Variants in ARSH observed in about 807,000 individuals in gnomAD.
ARSH encodes the protein arylsulfatase family member H.
Under a neutral mutation model 28.7 loss-of-function variants are expected in ARSH, and 32 were observed. That is an observed-to-expected ratio of 1.11 (90% CI 0.84 to 1.50). The LOEUF (loss-of-function observed/expected upper bound fraction) is 1.50. Among genes scored for constraint, ARSH ranks in the 40% most tolerant of loss-of-function variants. The pLI, the probability that ARSH is intolerant of heterozygous loss-of-function variation, is 0.00. For synonymous variants in ARSH, 176 were observed against 177.3 expected, an observed-to-expected ratio of 0.99 and a Z score of 0.06; for missense variants, 440 against 452.4, an observed-to-expected ratio of 0.97 and a Z score of 0.25.
At chrX:3,015,831 GA>G (rs1011298483) in intron 4 of ARSH, among the ~76,000 whole-genome samples, 8 of 106,357 alleles carry the variant, frequency 7.5e-5, no homozygotes, top group Non-Finnish European at 1.6e-4. Flanking sequence ...AAAAGCTGAG[GA>G]AAAAAAAACT....
chrX:3,006,608 C>G lies in ARSH; in HGVS notation c.-5C>G, dbSNP rs768490278. ...TGTTTGTTTTGCGGTGTTGATGGCA[C>G]ATTTATGACAAGAAACGCCAGACCC... On this transcript the variant is annotated 5_prime_UTR_variant, in exon 1 of 9. Transcript: ENST00000381130. 2 of 1,206,942 alleles carry G rather than the reference C, an allele frequency of 1.7e-6. No individual in the cohort carries two copies. The highest frequency in any genetic ancestry group is 3.5e-5 in the African/African-American group (2 of 56,982).
intron 5 of ARSH, among the ~76,000 whole-genome samples, chrX:3,019,487 T>A (rs1013477231): frequency 7.2e-5 from 8 of 111,161 alleles, no homozygotes; most frequent in African/African-American, 2.3e-4. Flanking sequence ...ACTGTATGCA[T>A]TCCAGAATAA....
intron 8 of ARSH, among the ~76,000 whole-genome samples, chrX:3,030,622 T>C (rs1382505378): frequency 9.0e-6 from 1 of 111,314 alleles, no homozygotes; most frequent in Non-Finnish European, 1.9e-5. Flanking sequence ...AAAAGGGAAA[T>C]GCCTTATAAA....
chrX:3,026,035 C>G (rs933776237), intron 6 of ARSH, among the ~76,000 whole-genome samples: 37 of 110,897 alleles, frequency 3.3e-4, no homozygotes, highest in South Asian at 3.9e-4. Context: ...GGGTTTTGTT[C>G]TAGTCTAGTT....
intron 1 of ARSH, among the ~76,000 whole-genome samples, chrX:3,007,096 A>AAATCTACTG (rs761318437): frequency 3.7e-5 from 4 of 109,359 alleles, no homozygotes; most frequent in African/African-American, 1.3e-4. Context: ...ATAAAAAAAA[A>AAATCTACTG]AATCTACTGG....
chrX:3,032,661 T>C (rs1193227738), intron 8 of ARSH, among the ~76,000 whole-genome samples: 1 of 112,267 alleles, frequency 8.9e-6, no homozygotes, highest in African/African-American at 3.2e-5. Flanking sequence ...AAATTACTTT[T>C]GTCAATTTCA....
At chrX:3,008,449 TTTTCTTTC>T (rs554017732) in intron 1 of ARSH, among the ~76,000 whole-genome samples, 17,213 of 75,623 alleles carry the variant, frequency 0.23, 1,909 homozygotes, top group African/African-American at 0.24. Context: ...CTTCTTCTTA[TTTTCTTTC>T]TTTCTTTCTT....
In ARSH at chrX:3,029,243, CAA is replaced by C; in HGVS notation, c.1200-3_1200-2del. 1 of 1,209,947 alleles carries C rather than the reference CAA, an allele frequency of 8.3e-7. No individual in the cohort carries two copies. Among genetic ancestry groups the C allele is most frequent in the African/African-American group, 1.7e-5 (1 of 57,562 alleles). On this transcript the variant is annotated splice_acceptor_variant and splice_polypyrimidine_tract_variant and intron_variant, in intron 7 of 8. Transcript: ENST00000381130. LOFTEE classifies it high-confidence loss of function. Reference sequence around the variant, plus strand: ...ACCTTCTACACACCCCCTTCTCTCCCAAGAGTGATTGACGGCCAGAACCTAAT... The same window carrying C: ...ACCTTCTACACACCCCCTTCTCTCCCGAGTGATTGACGGCCAGAACCTAAT...
chrX:3,008,343 T>C (rs1396424026), intron 1 of ARSH, among the ~76,000 whole-genome samples: 2 of 111,733 alleles, frequency 1.8e-5, no homozygotes, highest in African/African-American at 6.5e-5. Context: ...CATCTTTTAG[T>C]GTGGATTTAA....
At position 3,019,919 on chromosome X, in the gene ARSH, A is replaced by G. The variant is rs141043171; in HGVS notation, c.901+1249A>G. ...TAAATTTCTCTTGTATATTTCCACT[A>G]TGTGTGTTTACCTCTAATTATAGGT... On this transcript the variant is annotated intron_variant, in intron 5 of 8. Coordinates refer to ENST00000381130, the MANE Select transcript of ARSH (RefSeq NM_001011719.2). Among the ~76,000 whole-genome samples the G allele has an allele frequency of 7.1e-3, 782 of 110,560 alleles. 8 individuals carry two copies. Among genetic ancestry groups the G allele is most frequent in the African/African-American group, 0.024 (743 of 30,367 alleles).
chrX:3,028,622 C>G (rs1315084846), intron 7 of ARSH, among the ~76,000 whole-genome samples: 1 of 111,245 alleles, frequency 9.0e-6, no homozygotes, highest in East Asian at 2.8e-4. Context: ...ATCAAAAGGG[C>G]GTAAATAGCT....
intron 5 of ARSH, among the ~76,000 whole-genome samples, chrX:3,023,682 G>C (rs1423288868): frequency 9.5e-6 from 1 of 105,776 alleles, no homozygotes; most frequent in Non-Finnish European, 1.9e-5. Flanking sequence ...GTATTTGTAA[G>C]AAATATGTAC....
At chrX:3,011,876 C>G (rs1406113727) in intron 2 of ARSH, among the ~76,000 whole-genome samples, 1 of 111,209 alleles carries the variant, frequency 9.0e-6, no homozygotes, top group Admixed American at 9.6e-5. Context: ...GAGTTTCCTT[C>G]TTGTCACCCA....
At chrX:3,013,323 A>G (rs1291933383) in intron 3 of ARSH, 151 bp downstream of exon 3, 2 of 647,024 alleles carry the variant, frequency 3.1e-6, no homozygotes, top group East Asian at 7.5e-5. Context: ...ATGATCACAC[A>G]TTGATTGAGC....
At chrX:3,027,829 C>T (rs912735970) in intron 7 of ARSH, among the ~76,000 whole-genome samples, 16 of 111,717 alleles carry the variant, frequency 1.4e-4, no homozygotes, top group African/African-American at 3.9e-4. Context: ...AGAGCAGGTG[C>T]GGTGGCTCGT....
intron 8 of ARSH, among the ~76,000 whole-genome samples, chrX:3,030,482 A>G (rs759501229): frequency 8.9e-6 from 1 of 111,905 alleles, no homozygotes; most frequent in South Asian, 3.8e-4. Flanking sequence ...GACATACTCA[A>G]GACTGGGTAA....
chrX:3,020,175 C>T (rs775244609), intron 5 of ARSH, among the ~76,000 whole-genome samples: 24 of 100,457 alleles, frequency 2.4e-4, no homozygotes, highest in African/African-American at 8.8e-4. Flanking sequence ...CCTTGTAGTT[C>T]CAGCTACCTA....
chrX:3,021,977 A>T (rs2089885833), intron 5 of ARSH, among the ~76,000 whole-genome samples: 2 of 109,135 alleles, frequency 1.8e-5, no homozygotes, highest in South Asian at 8.1e-4. Flanking sequence ...CTTGGGCTCA[A>T]GCAAACTTCC....
At position 3,029,265 on chromosome X, in the gene ARSH, C is replaced by T; in HGVS notation, c.1218C>T (p.Asn406=). Residue 406 remains asparagine (N), a synonymous_variant, in exon 8 of 9, where the codon AAC becomes AAT. Transcript: ENST00000381130. ...TCCCAAGAGTGATTGACGGCCAGAA[C>T]CTAATGCCCCTGCTGGAAGGAAGGG... ...LSQDRVIDGQ[N]LMPLLEGRAS... The T allele has an allele frequency of 3.3e-6, 4 of 1,210,023 alleles. No homozygotes were observed. Among genetic ancestry groups the T allele is most frequent in the Non-Finnish European group, 4.5e-6 (4 of 894,963 alleles).
Sources: gnomAD v4.1 joint callset for allele counts (sites outside exome capture counted in the v4.1 genomes callset) on GRCh38, gnomAD v4.1.1 for gene constraint, MANE v1.5 for transcripts, NCBI Gene and HGNC (gene_info 2026-07-23, HGNC 2026-07-21) for gene names.